Variants in ANKS1B observed in about 807,000 individuals in gnomAD.
ANKS1B encodes ankyrin repeat and sterile alpha motif domain containing 1B.
A neutral mutation model predicts 148.3 loss-of-function variants in ANKS1B; 36 were observed. The observed-to-expected ratio is 0.24, with a 90% CI of 0.19 to 0.32. The LOEUF (loss-of-function observed/expected upper bound fraction) is 0.32. ANKS1B is among the 10% of genes least tolerant of loss of function. The pLI is 1.00. For synonymous variants in ANKS1B, 542 were observed against 560.8 expected (o/e 0.97, Z 0.47); for missense variants, 1,157 against 1,542.6 (o/e 0.75, Z 4.19).
At chr12:99,724,102 C>T (rs1223235562) in intron 8 of ANKS1B, among the ~76,000 whole-genome samples, 1 of 151,858 alleles carries the variant, frequency 6.6e-6, no homozygotes, top group Non-Finnish European at 1.5e-5. Flanking sequence ...TCTTCTCCTC[C>T]AAATGATTGC....
At chr12:98,997,325 T>C (rs927642598) in intron 17 of ANKS1B, among the ~76,000 whole-genome samples, 2 of 152,110 alleles carry the variant, frequency 1.3e-5, no homozygotes, top group African/African-American at 4.8e-5. Context: ...GATGAGTTGC[T>C]TGAGTTAAAT....
chr12:98,795,186 T>C (rs1215925854), intron 22 of ANKS1B, among the ~76,000 whole-genome samples: 1 of 152,218 alleles, frequency 6.6e-6, no homozygotes, highest in African/African-American at 2.4e-5. Context: ...TAAAATATTC[T>C]TTGCAGTAAA....
rs80197475 is a variant in ANKS1B, at chr12:99,053,199, C to T, written c.2736G>A (p.Ser912=). 64,040 of 1,608,828 alleles carry T rather than the reference C, an allele frequency of 0.04. 1,448 individuals are homozygous for T. The highest frequency in any genetic ancestry group is 0.045 in the Non-Finnish European group (52,631 of 1,177,486). Residue 912 remains serine, a synonymous_variant, in exon 17 of 27, where the codon TCG becomes TCA. Coordinates refer to ENST00000683438, the MANE Select transcript of ANKS1B (RefSeq NM_001352186.2). ...CCCAGATTTTTTTCAACAGGTCCAT[C>T]GAAGTGTAGCCATTAATTAGAAAGG... ...TKAFLINGYT[S]MDLLKKIWEV...
intron 14 of ANKS1B, among the ~76,000 whole-genome samples, chr12:99,233,993 G>T (rs1228441394): frequency 1.3e-5 from 2 of 152,068 alleles, no homozygotes; most frequent in East Asian, 3.9e-4. Flanking sequence ...GAATCCAAAT[G>T]TAATGTTGAC....
At chr12:99,371,023 TG>T (rs1205647617) in intron 12 of ANKS1B, among the ~76,000 whole-genome samples, 2 of 152,066 alleles carry the variant, frequency 1.3e-5, no homozygotes, top group Non-Finnish European at 2.9e-5. Flanking sequence ...GTTTCTGTTT[TG>T]TTTTTTTTTC....
chr12:98,802,594 CT>C lies in ANKS1B; in HGVS notation c.3142-1470del, dbSNP rs397850118. On this transcript the variant is annotated intron_variant, in intron 20 of 26. Coordinates refer to ENST00000683438, the MANE Select transcript of ANKS1B (RefSeq NM_001352186.2). ...CTAGAGGACTTCAGTAATGCACAGG[CT>C]TTTTTTTTTTTTTTTTTTTTTTTTT... Among the ~76,000 whole-genome samples, 276 of 34,790 alleles carry C rather than the reference CT, an allele frequency of 7.9e-3. 21 individuals carry two copies. Among genetic ancestry groups the C allele is most frequent in the African/African-American group, 0.028 (264 of 9,502 alleles). The allele number at this position is 34,790 out of a possible 152,430, so 22.8% of individuals were successfully genotyped here.
At chr12:99,981,866 A>G (rs993143252) in intron 1 of ANKS1B, among the ~76,000 whole-genome samples, 11 of 152,138 alleles carry the variant, frequency 7.2e-5, no homozygotes, top group African/African-American at 2.7e-4. Flanking sequence ...TTCCTTCTAA[A>G]ACATTAAGAA....
At chr12:99,032,275 T>G (rs566301944) in intron 17 of ANKS1B, among the ~76,000 whole-genome samples, 107 of 152,212 alleles carry the variant, frequency 7.0e-4, no homozygotes, top group Non-Finnish European at 1.2e-3. Flanking sequence ...TTCCTAAGGT[T>G]GTTGTATAAA....
chr12:99,125,362 ATAAGCATT>A (rs1211129248), intron 15 of ANKS1B, among the ~76,000 whole-genome samples: 1 of 152,198 alleles, frequency 6.6e-6, no homozygotes, highest in Non-Finnish European at 1.5e-5. Context: ...GGGAGGGAGA[ATAAGCATT>A]TTCTCTAATT....
At position 99,735,320 on chromosome 12, in the gene ANKS1B, A is replaced by T. The variant is rs114724700; in HGVS notation, c.1128+37602T>A. Among the ~76,000 whole-genome samples, 1,039 of 152,298 alleles carry T rather than the reference A, an allele frequency of 6.8e-3. 16 individuals are homozygous for T. Among genetic ancestry groups the T allele is most frequent in the African/African-American group, 0.024 (1,006 of 41,572 alleles). On this transcript the variant is annotated intron_variant, in intron 8 of 26. Coordinates refer to ENST00000683438, the MANE Select transcript of ANKS1B (RefSeq NM_001352186.2). ...ACCACAAAAATAAAAAAGATCAACGAAATGAAAAGTTGGCTTTTCAAAAAG... is the reference window on the plus strand; with the variant it reads ...ACCACAAAAATAAAAAAGATCAACGTAATGAAAAGTTGGCTTTTCAAAAAG...
At chr12:98,904,430 T>C (rs1567697093) in intron 17 of ANKS1B, among the ~76,000 whole-genome samples, 1 of 152,224 alleles carries the variant, frequency 6.6e-6, no homozygotes, top group Non-Finnish European at 1.5e-5. Context: ...CTCTACAAAT[T>C]TCTTTAAAAT....
At chr12:99,509,460 A>T (rs1185899840) in intron 9 of ANKS1B, among the ~76,000 whole-genome samples, 2 of 151,938 alleles carry the variant, frequency 1.3e-5, no homozygotes, top group Non-Finnish European at 1.5e-5. Flanking sequence ...CTTATTGCTG[A>T]TATGGAGAAA....
At chr12:99,510,114 T>C (rs1213730677) in intron 9 of ANKS1B, among the ~76,000 whole-genome samples, 1 of 152,000 alleles carries the variant, frequency 6.6e-6, no homozygotes, top group Non-Finnish European at 1.5e-5. Context: ...CCTTTCAAAA[T>C]ATTACTATTC....
intron 1 of ANKS1B, among the ~76,000 whole-genome samples, chr12:99,839,041 C>A (rs1403705627): frequency 6.6e-6 from 1 of 151,804 alleles, no homozygotes; most frequent in Non-Finnish European, 1.5e-5. Context: ...TATATATATT[C>A]TTAACTGTTT....
At chr12:98,864,848 T>A (rs1434191077) in intron 17 of ANKS1B, among the ~76,000 whole-genome samples, 1 of 152,166 alleles carries the variant, frequency 6.6e-6, no homozygotes, top group African/African-American at 2.4e-5. Context: ...TTTGGCCTCA[T>A]CCTAATCTCC....
intron 17 of ANKS1B, among the ~76,000 whole-genome samples, chr12:98,834,239 T>C (rs2099349170): frequency 6.6e-6 from 1 of 152,234 alleles, no homozygotes; most frequent in African/African-American, 2.4e-5. Context: ...TCATTTCAGT[T>C]GACATCCTCA....
At chr12:99,248,736 C>T (rs1022740883) in intron 12 of ANKS1B, among the ~76,000 whole-genome samples, 1 of 152,156 alleles carries the variant, frequency 6.6e-6, no homozygotes, top group Non-Finnish European at 1.5e-5. Flanking sequence ...CATTTCCCCA[C>T]CTAGTAAGCA....
chr12:99,566,989 A>C (rs2097401350), intron 9 of ANKS1B, among the ~76,000 whole-genome samples: 1 of 152,126 alleles, frequency 6.6e-6, no homozygotes, highest in South Asian at 2.1e-4. Context: ...GTGGCTTAAA[A>C]CAACACTCAG....
intron 12 of ANKS1B, among the ~76,000 whole-genome samples, chr12:99,368,350 C>A (rs1338991762): frequency 6.6e-6 from 1 of 151,948 alleles, no homozygotes; most frequent in Non-Finnish European, 1.5e-5. Flanking sequence ...ATGTAACAAA[C>A]CTGCACATGT....
Sources: gnomAD v4.1 joint callset for allele counts (sites outside exome capture counted in the v4.1 genomes callset) on GRCh38, gnomAD v4.1.1 for gene constraint, MANE v1.5 for transcripts, NCBI Gene and HGNC (gene_info 2026-07-23, HGNC 2026-07-21) for gene names.